AIDA: variants seen among roughly 807,000 people sequenced by gnomAD.
AIDA encodes the protein axin interactor, dorsalization associated.
Under a neutral mutation model 42.7 loss-of-function variants are expected in AIDA, and 18 were observed. The observed-to-expected ratio is 0.42, with a 90% CI of 0.29 to 0.63. AIDA has a LOEUF of 0.63. Among genes scored for constraint, AIDA ranks in the 20% least tolerant of loss-of-function variants. The pLI, the probability that AIDA is intolerant of heterozygous loss-of-function variation, is 0.19. For synonymous variants in AIDA, 104 were observed against 122.9 expected (o/e 0.85, Z 1.02); for missense variants, 250 against 354.1 (o/e 0.71, Z 2.36).
At chr1:222,691,756 T>C (rs1558212485) in intron 4 of AIDA, among the ~76,000 whole-genome samples, 1 of 152,018 alleles carries the variant, frequency 6.6e-6, no homozygotes, top group African/African-American at 2.4e-5. Flanking sequence ...GTGTCAGTCA[T>C]ATCAGAAACA....
intron 4 of AIDA, among the ~76,000 whole-genome samples, chr1:222,692,717 G>A (rs989209734): frequency 6.6e-6 from 1 of 152,144 alleles, no homozygotes; most frequent in Admixed American, 6.6e-5. Context: ...ATAGGAAGCC[G>A]AGTTTAATAT....
intron 1 of AIDA, among the ~76,000 whole-genome samples, chr1:222,704,427 G>C (rs1655787991): frequency 6.6e-6 from 1 of 152,116 alleles, no homozygotes. Context: ...TCCATCAACT[G>C]ATGGACAAAA....
At chr1:222,672,819 G>A (rs942487395) in intron 8 of AIDA, among the ~76,000 whole-genome samples, 1 of 152,208 alleles carries the variant, frequency 6.6e-6, no homozygotes, top group South Asian at 2.1e-4. Flanking sequence ...TCCACTGGGC[G>A]AAAAGCATGG....
chr1:222,683,919 C>T (rs928753001), intron 6 of AIDA, among the ~76,000 whole-genome samples: 3 of 151,470 alleles, frequency 2.0e-5, no homozygotes, highest in Non-Finnish European at 4.4e-5. Flanking sequence ...GCTTGACTAC[C>T]TTTTTTTTAT....
intron 6 of AIDA, among the ~76,000 whole-genome samples, chr1:222,681,563 T>G (rs1283927872): frequency 3.9e-5 from 6 of 152,116 alleles, no homozygotes; most frequent in African/African-American, 1.4e-4. Flanking sequence ...CTTGGGAGGC[T>G]GACGCAGGAG....
At chr1:222,685,850 C>T (rs1253376919) in intron 6 of AIDA, among the ~76,000 whole-genome samples, 1 of 152,144 alleles carries the variant, frequency 6.6e-6, no homozygotes, top group East Asian at 1.9e-4. Context: ...TTAACCACCA[C>T]AATTTGATTA....
chr1:222,706,921 G>A (rs935965180), intron 1 of AIDA, among the ~76,000 whole-genome samples: 1 of 149,180 alleles, frequency 6.7e-6, no homozygotes, highest in Admixed American at 6.7e-5. Context: ...GTCTGGAAAA[G>A]ACAGATCTAT....
Position 222,686,941 on chromosome 1 carries a change from G to C in AIDA, c.449C>G (p.Ala150Gly). Reference protein sequence around the residue: ...AGAGSPDSFPARVPGTLLPRL... With the variant: ...AGAGSPDSFPGRVPGTLLPRL... ...TAAGTGATACCTACCGGGAACTCTA[G>C]CAGGAAAAGAATCAGGAGACCCTGC... is the stretch of plus-strand genomic sequence containing the variant. Residue 150 changes from alanine (A) to glycine (G), a missense_variant, in exon 6 of 10, where the codon GCT becomes GGT. Around this residue, in one of 4 missense-constraint regions of AIDA, gnomAD observed 199 missense variants for 232.6 expected, o/e 0.86. Coordinates refer to ENST00000340020, the MANE Select transcript of AIDA (RefSeq NM_022831.4). The C allele has an allele frequency of 6.2e-7, 1 of 1,613,522 alleles. No homozygotes were observed. Among genetic ancestry groups the C allele is most frequent in the Non-Finnish European group, 8.5e-7 (1 of 1,179,872 alleles).
At chr1:222,698,640 G>A (rs865899043) in intron 2 of AIDA, among the ~76,000 whole-genome samples, 10 of 151,862 alleles carry the variant, frequency 6.6e-5, no homozygotes, top group African/African-American at 9.7e-5. Flanking sequence ...TAGTAGAGAC[G>A]GGGTTTCTCC....
chr1:222,699,276 C>T (rs1171711652), intron 2 of AIDA, among the ~76,000 whole-genome samples: 1 of 152,094 alleles, frequency 6.6e-6, no homozygotes, highest in African/African-American at 2.4e-5. Context: ...ACATAAACAA[C>T]AATTTTGCTT....
rs1406167959 is a variant in AIDA, at chr1:222,703,221, T to C, written c.111-4A>G. 3.1e-6 allele frequency: 5 copies of C among 1,602,006 alleles called. No individual in the cohort carries two copies. The African/African-American group carries it at 6.7e-5, about 22-fold the overall frequency. On this transcript the variant is annotated splice_polypyrimidine_tract_variant and splice_region_variant and intron_variant, in intron 1 of 9. Coordinates refer to ENST00000340020, the MANE Select transcript of AIDA (RefSeq NM_022831.4). ...CTTTTGTAGATGTCTTGCTAATCTGTAAGAAGAAAACATATTCTTTAGAAT... is the reference window on the plus strand; with the variant it reads ...CTTTTGTAGATGTCTTGCTAATCTGCAAGAAGAAAACATATTCTTTAGAAT...
At chr1:222,697,713 G>A (rs538742731) in intron 2 of AIDA, among the ~76,000 whole-genome samples, 2 of 152,194 alleles carry the variant, frequency 1.3e-5, no homozygotes, top group South Asian at 2.1e-4. Context: ...TTGCTAAAAC[G>A]TATTCAATCT....
At chr1:222,684,103 A>G (rs1226250576) in intron 6 of AIDA, among the ~76,000 whole-genome samples, 2 of 152,110 alleles carry the variant, frequency 1.3e-5, no homozygotes, top group Non-Finnish European at 2.9e-5. Context: ...TACATATTAA[A>G]AAGAATGAAT....
At chr1:222,689,963 T>C (rs1437295377) in intron 4 of AIDA, among the ~76,000 whole-genome samples, 1 of 152,150 alleles carries the variant, frequency 6.6e-6, no homozygotes, top group Non-Finnish European at 1.5e-5. Flanking sequence ...ACTTTTACTA[T>C]CCTTTTTCTA....
chr1:222,689,872 C>T (rs1424126089), intron 4 of AIDA, among the ~76,000 whole-genome samples: 1 of 151,870 alleles, frequency 6.6e-6, no homozygotes, highest in African/African-American at 2.4e-5. Flanking sequence ...ACTGACTCAC[C>T]CAGAGCAACT....
rs186511670 is a variant in AIDA, at chr1:222,709,164, G to A, written c.110+3044C>T. 2.6e-5 allele frequency among the ~76,000 whole-genome samples: 4 copies of A among 152,300 alleles called. No homozygotes were observed. In the East Asian group the frequency reaches 5.8e-4, roughly 22 times the overall value. On this transcript the variant is annotated intron_variant, in intron 1 of 9. Coordinates refer to ENST00000340020, the MANE Select transcript of AIDA (RefSeq NM_022831.4). ...ATTTTCAACTGTAGCCGGGCACGGT[G>A]GCTCATGCCTGTAATCTCAACACTC...
chr1:222,710,729 T>G (rs565758587), intron 1 of AIDA, among the ~76,000 whole-genome samples: 23 of 152,250 alleles, frequency 1.5e-4, no homozygotes, highest in Non-Finnish European at 2.9e-4. Context: ...ATTTTCTTTT[T>G]TAAATCCCAG....
At chr1:222,689,268 T>C (rs1249709314) in intron 4 of AIDA, among the ~76,000 whole-genome samples, 1 of 150,608 alleles carries the variant, frequency 6.6e-6, no homozygotes, top group Non-Finnish European at 1.5e-5. Context: ...TGAAACCCCA[T>C]CTCTACTAAA....
chr1:222,686,864 A>G (rs1463564567), intron 6 of AIDA, 66 bp downstream of exon 6: 1 of 1,544,662 alleles, frequency 6.5e-7, no homozygotes, highest in Non-Finnish European at 8.7e-7. Context: ...AATACCAAAG[A>G]AAGTTTCAAA....
Sources: allele counts gnomAD v4.1 joint callset (sites outside exome capture counted in the v4.1 genomes callset), GRCh38; gene constraint gnomAD v4.1.1; regional missense constraint gnomAD v4.1.1; transcripts MANE v1.5; gene names NCBI Gene and HGNC (gene_info 2026-07-23, HGNC 2026-07-21).